The following KIAA1549L variants were observed in gnomAD, a reference collection of about 807,000 sequenced individuals.
KIAA1549L encodes the protein KIAA1549 like.
In KIAA1549L, 88 loss-of-function variants were observed where a neutral mutation model predicts 160.7. The ratio of observed to expected loss-of-function variants is 0.55; its 90% CI spans 0.46 to 0.65. KIAA1549L has a LOEUF of 0.65. Among genes scored for constraint, KIAA1549L ranks in the 30% least tolerant of loss-of-function variants. KIAA1549L has a pLI of 0.00. For missense variants in KIAA1549L, 2,258 were observed against 2,437.5 expected (o/e 0.93, Z 1.55); for synonymous variants, 950 against 976.7 (o/e 0.97, Z 0.51).
Position 33,472,275 on chromosome 11 carries a change from CTTTTTT to C in KIAA1549L, c.239-69510_239-69505del, listed in dbSNP as rs76771436. Among the ~76,000 whole-genome samples the C allele has an allele frequency of 6.2e-3, 637 of 102,782 alleles. 10 individuals are homozygous for C. The highest frequency in any genetic ancestry group is 0.024 in the African/African-American group (617 of 26,156). The allele number at this position is 102,782 out of a possible 152,430, so 67.4% of individuals were successfully genotyped here. On this transcript the variant is annotated intron_variant, in intron 1 of 20. Transcript: ENST00000658780. ...CTACAGGCACATGCCTCATGCCTGG[CTTTTTT>C]TTTTTTTTTTTTTTTTGGTTGTAGA...
chr11:33,613,169 G>A (rs1850690746), intron 15 of KIAA1549L, among the ~76,000 whole-genome samples: 1 of 152,152 alleles, frequency 6.6e-6, no homozygotes, highest in African/African-American at 2.4e-5. Context: ...AGCTCTTTAA[G>A]GAATTGCCAT....
At chr11:33,603,359 G>T (rs904190816) in intron 13 of KIAA1549L, among the ~76,000 whole-genome samples, 1 of 151,904 alleles carries the variant, frequency 6.6e-6, no homozygotes, top group African/African-American at 2.4e-5. Context: ...ATGAAGGGGG[G>T]ATTAGATTGT....
At chr11:33,417,054 A>G (rs548244340) in intron 1 of KIAA1549L, among the ~76,000 whole-genome samples, 3 of 152,362 alleles carry the variant, frequency 2.0e-5, no homozygotes, top group East Asian at 3.9e-4. Flanking sequence ...GTGTTGTCCA[A>G]TACAGAAGCC....
In KIAA1549L at chr11:33,543,637, A is replaced by G. The variant is rs1335294867; in HGVS notation, c.2074A>G (p.Thr692Ala). The G allele has an allele frequency of 6.2e-7, 1 of 1,613,960 alleles. No homozygotes were observed. Among genetic ancestry groups the G allele is most frequent in the East Asian group, 2.2e-5 (1 of 44,876 alleles). The change falls in exon 2 of 21, where the codon ACC becomes GCC. Residue 692 changes from threonine to alanine, a missense_variant. By Grantham distance (58) the Thr-to-Ala change is moderately conservative (BLOSUM62 0). This residue lies in a region of KIAA1549L where 287 missense variants were observed against 292.3 expected (regional missense o/e 0.98). Coordinates refer to ENST00000658780, the MANE Select transcript of KIAA1549L (RefSeq NM_012194.3). Reference sequence around the variant, plus strand: ...AATAGGAGACATGAAAAAGCCAGCAACCACAGATGTTTTCTGGAGTTCTCT... The same window carrying G: ...AATAGGAGACATGAAAAAGCCAGCAGCCACAGATGTTTTCTGGAGTTCTCT... ...LTIGDMKKPA[T>A]TDVFWSSLSA... is the part of the protein sequence containing the mutation.
chr11:33,426,244 C>T (rs1032312681), intron 1 of KIAA1549L, among the ~76,000 whole-genome samples: 2 of 152,208 alleles, frequency 1.3e-5, no homozygotes, highest in African/African-American at 4.8e-5. Flanking sequence ...ACTCTCTGCA[C>T]TCTCTGCTTT....
intron 3 of KIAA1549L, among the ~76,000 whole-genome samples, chr11:33,546,189 C>G (rs1259427795): frequency 6.6e-6 from 1 of 152,212 alleles, no homozygotes; most frequent in Non-Finnish European, 1.5e-5. Flanking sequence ...CTGCCTTCCT[C>G]CTCACCCCAC....
At chr11:33,398,399 C>T (rs548691725) in intron 1 of KIAA1549L, among the ~76,000 whole-genome samples, 2 of 152,048 alleles carry the variant, frequency 1.3e-5, no homozygotes, top group Admixed American at 6.5e-5. Flanking sequence ...ACTTTTATGG[C>T]AATTAGGCAT....
chr11:33,506,728 A>AT (rs1399399734), intron 1 of KIAA1549L, among the ~76,000 whole-genome samples: 1 of 151,980 alleles, frequency 6.6e-6, no homozygotes, highest in Non-Finnish European at 1.5e-5. Flanking sequence ...AAAAAAAAAA[A>AT]ATTGAACAAC....
chr11:33,378,062 C>A (rs1849993054), intron 1 of KIAA1549L, among the ~76,000 whole-genome samples: 1 of 152,162 alleles, frequency 6.6e-6, no homozygotes, highest in Non-Finnish European at 1.5e-5. Context: ...CGAATTTTAG[C>A]CCCCGATTTT....
intron 1 of KIAA1549L, among the ~76,000 whole-genome samples, chr11:33,503,471 A>G (rs185688799): frequency 1.3e-5 from 2 of 152,236 alleles, no homozygotes; most frequent in African/African-American, 4.8e-5. Context: ...GAATATTTCT[A>G]GAAGTGAATG....
At chr11:33,606,930 A>G (rs1348011542) in intron 14 of KIAA1549L, 108 bp downstream of exon 14, 1 of 917,126 alleles carries the variant, frequency 1.1e-6, no homozygotes, top group Non-Finnish European at 1.6e-6. Flanking sequence ...CTAGGGCCGT[A>G]TAGGTCATTT....
At chr11:33,602,237 G>T (rs1163676310) in intron 13 of KIAA1549L, among the ~76,000 whole-genome samples, 1 of 152,108 alleles carries the variant, frequency 6.6e-6, no homozygotes, top group African/African-American at 2.4e-5. Context: ...GGCAGGCAAA[G>T]AATTAGAAAG....
chr11:33,614,421 T>C (rs1290871794), intron 15 of KIAA1549L, among the ~76,000 whole-genome samples: 2 of 149,622 alleles, frequency 1.3e-5, no homozygotes, highest in South Asian at 4.3e-4. Context: ...ACCAGACAAC[T>C]CAGGACAGCC....
intron 1 of KIAA1549L, among the ~76,000 whole-genome samples, chr11:33,509,522 A>G (rs572088359): frequency 1.3e-4 from 20 of 152,298 alleles, no homozygotes; most frequent in African/African-American, 4.6e-4. Context: ...TCGGGAAGTG[A>G]AGGTTAATGT....
At chr11:33,396,689 G>A (rs1850381152) in intron 1 of KIAA1549L, among the ~76,000 whole-genome samples, 1 of 151,364 alleles carries the variant, frequency 6.6e-6, no homozygotes, top group African/African-American at 2.4e-5. Context: ...AAAAATGGCT[G>A]GTCATGGTAG....
chr11:33,489,984 T>G lies in KIAA1549L; in HGVS notation c.239-51818T>G, dbSNP rs998367272. ...AATAATCTTTGAGATAGGTGTGACTTCTTACAGTTGTAAGAATTCAGACAT... is the reference window on the plus strand; with the variant it reads ...AATAATCTTTGAGATAGGTGTGACTGCTTACAGTTGTAAGAATTCAGACAT... On this transcript the variant is annotated intron_variant, in intron 1 of 20. Coordinates refer to ENST00000658780, the MANE Select transcript of KIAA1549L (RefSeq NM_012194.3). 7.9e-5 allele frequency among the ~76,000 whole-genome samples: 12 copies of G among 152,340 alleles called. No individual in the cohort carries two copies. In the East Asian group the frequency reaches 9.6e-4, roughly 12 times the overall value.
chr11:33,619,335 A>T (rs746537575), intron 16 of KIAA1549L, among the ~76,000 whole-genome samples: 2 of 151,476 alleles, frequency 1.3e-5, no homozygotes, highest in African/African-American at 2.4e-5. Flanking sequence ...AGCATTTCAC[A>T]TGATCTTGAA....
intron 17 of KIAA1549L, among the ~76,000 whole-genome samples, chr11:33,647,702 A>G (rs1851764497): frequency 6.6e-6 from 1 of 152,158 alleles, no homozygotes; most frequent in South Asian, 2.1e-4. Context: ...TTTCAGAGAG[A>G]AAGGCCTAGA....
intron 1 of KIAA1549L, among the ~76,000 whole-genome samples, chr11:33,406,177 T>C (rs1034713211): frequency 2.6e-5 from 4 of 152,206 alleles, no homozygotes; most frequent in African/African-American, 9.7e-5. Context: ...TTGTTGTGAA[T>C]ATAACAAAGG....
Sources: gnomAD v4.1 joint callset for allele counts (sites outside exome capture counted in the v4.1 genomes callset) on GRCh38, gnomAD v4.1.1 for gene constraint, gnomAD v4.1.1 regional missense constraint, MANE v1.5 for transcripts, NCBI Gene and HGNC (gene_info 2026-07-23, HGNC 2026-07-21) for gene names.